Variants in SMCHD1 observed in about 807,000 individuals in gnomAD.
SMCHD1 encodes the protein structural maintenance of chromosomes flexible hinge domain-containing protein 1.
SMCHD1 carries 78 observed loss-of-function variants against 254.7 expected under a neutral mutation model. The observed-to-expected ratio is 0.31, with a 90% CI of 0.26 to 0.37. The LOEUF (loss-of-function observed/expected upper bound fraction) is 0.37. SMCHD1 is among the 10% of genes least tolerant of loss of function. The pLI is 1.00. For synonymous variants in SMCHD1, 766 were observed against 794.9 expected, an observed-to-expected ratio of 0.96 and a Z score of 0.61; for missense variants, 1,840 against 2,408.1, an observed-to-expected ratio of 0.76 and a Z score of 4.94.
rs145256793 is a variant in SMCHD1 at position 2,757,576 on chromosome 18, G to A, written c.4347-3076G>A. 2.5e-4 allele frequency among the ~76,000 whole-genome samples: 38 copies of A among 152,090 alleles called. No individual in the cohort carries two copies. In the East Asian group the frequency reaches 7.0e-3, roughly 28 times the overall value. ...TCCTTTGACCATGGCTTATTCAGAT[G>A]TTTACTGAATTGTGAAATTTAGTTT... On this transcript the variant is annotated intron_variant, in intron 34 of 47. Coordinates refer to ENST00000320876, the MANE Select transcript of SMCHD1 (RefSeq NM_015295.3).
In SMCHD1 at chr18:2,656,230, A is replaced by G; in HGVS notation, c.155A>G (p.Asp52Gly). Reference sequence around the variant, plus strand: ...CCTCTGCAGGTCGGGGAGCGCTCGGACTACGCGGGATTTCGCGCGTGTGTG... The same window carrying G: ...CCTCTGCAGGTCGGGGAGCGCTCGGGCTACGCGGGATTTCGCGCGTGTGTG... ...DRPLQVGERS[D>G]YAGFRACVCQ... is the part of the protein sequence containing the mutation. The change falls in exon 1 of 48, where the codon GAC becomes GGC. Residue 52 changes from aspartate (D) to glycine (G), a missense_variant. Asp to Gly is a moderately conservative substitution (Grantham distance 94, BLOSUM62 -1). Coordinates refer to ENST00000320876, the MANE Select transcript of SMCHD1 (RefSeq NM_015295.3). The G allele has an allele frequency of 6.7e-7, 1 of 1,503,450 alleles. No individual in the cohort carries two copies. Among genetic ancestry groups the G allele is most frequent in the Non-Finnish European group, 8.8e-7 (1 of 1,135,448 alleles). The allele number at this position is 1,503,450 out of a possible 1,614,324, so 93.1% of individuals were successfully genotyped here.
chr18:2,684,460 GT>G (rs1182745456), intron 5 of SMCHD1, among the ~76,000 whole-genome samples: 1 of 151,970 alleles, frequency 6.6e-6, no homozygotes, highest in Non-Finnish European at 1.5e-5. Context: ...AATGGTAAAT[GT>G]TTTTCCAACC....
At chr18:2,791,790 A>G (rs1038978794) in intron 45 of SMCHD1, among the ~76,000 whole-genome samples, 1 of 152,160 alleles carries the variant, frequency 6.6e-6, no homozygotes. Context: ...CAAGACAACT[A>G]TAGTTCACAG....
chr18:2,769,649 T>G (rs1480788403), intron 37 of SMCHD1, 45 bp from the exon 38 acceptor site: 1 of 1,546,136 alleles, frequency 6.5e-7, no homozygotes, highest in East Asian at 2.4e-5. Context: ...TTGTAAATTT[T>G]CTTTTTAAAT....
At position 2,772,316 on chromosome 18, in the gene SMCHD1, A is replaced by G; in HGVS notation, c.5119A>G (p.Arg1707Gly). Residue 1707 changes from arginine (R) to glycine (G), a missense_variant, in exon 41 of 48, where the codon AGA becomes GGA. By Grantham distance (125) the Arg-to-Gly change is moderately radical (BLOSUM62 -2). Transcript: ENST00000320876. ...ACAAGAAGAACTGAAGAAAAAACCT[A>G]GAAGATCGTGTACTCTTCCAAACTA... ...SEQEELKKKP[R>G]RSCTLPNYTK... is the part of the protein sequence containing the mutation. 1 of 1,608,990 alleles carries G rather than the reference A, an allele frequency of 6.2e-7. No homozygotes were observed. Among genetic ancestry groups the G allele is most frequent in the Non-Finnish European group, 8.5e-7 (1 of 1,178,020 alleles).
In SMCHD1 at chr18:2,775,762, A is replaced by G; in HGVS notation, c.5204A>G (p.Asp1735Gly). ...KIAHLAQIEDDRAAMVISWHL... is the reference protein window; with the variant it reads ...KIAHLAQIEDGRAAMVISWHL... ...GCACATCTAGCACAAATTGAAGATG[A>G]TAGAGCTGCGATGGTTATTTCTTGG... Residue 1735 changes from aspartate to glycine, a missense_variant, in exon 42 of 48, where the codon GAT becomes GGT. By Grantham distance (94) the Asp-to-Gly change is moderately conservative. Around this residue, in one of 9 missense-constraint regions of SMCHD1, gnomAD observed 114 missense variants for 217.6 expected, o/e 0.52. Coordinates refer to ENST00000320876, the MANE Select transcript of SMCHD1 (RefSeq NM_015295.3). 6.2e-7 allele frequency: 1 copy of G among 1,613,272 alleles called. No individual in the cohort carries two copies. Among genetic ancestry groups the G allele is most frequent in the African/African-American group, 1.3e-5 (1 of 74,992 alleles).
rs1412843640 is a variant in SMCHD1, at chr18:2,656,071, C to T, written c.-5C>T. ...GCGTCGCTGTCTTTTCTCCTTTTCC[C>T]CAATATGGCAGCGGCGGACGGCGGC... On this transcript the variant is annotated 5_prime_UTR_variant, in exon 1 of 48. Transcript: ENST00000320876. 2.2e-6 allele frequency: 3 copies of T among 1,393,112 alleles called. No homozygotes were observed. Among genetic ancestry groups the T allele is most frequent in the Middle Eastern group, 1.9e-4 (1 of 5,138 alleles). 86.3% of individuals were successfully genotyped at this position (1,393,112 alleles called of 1,614,324 possible). A position where few individuals can be genotyped will look rare whatever the true frequency, so the allele number is the denominator to read the frequency against.
chr18:2,663,834 C>T (rs1218768189), intron 1 of SMCHD1, among the ~76,000 whole-genome samples: 3 of 152,086 alleles, frequency 2.0e-5, no homozygotes, highest in Non-Finnish European at 2.9e-5. Context: ...CCTGCCTCAG[C>T]CTCCCGAGTA....
intron 45 of SMCHD1, among the ~76,000 whole-genome samples, chr18:2,791,839 A>T (rs932910526): frequency 6.6e-6 from 1 of 152,204 alleles, no homozygotes; most frequent in Non-Finnish European, 1.5e-5. Context: ...TTAGAGAGTG[A>T]GCGAGCTCTA....
chr18:2,746,530 G>A (rs997488769), intron 29 of SMCHD1, among the ~76,000 whole-genome samples: 1 of 152,214 alleles, frequency 6.6e-6, no homozygotes. Flanking sequence ...GGCTGTAGCT[G>A]TGTAAACTTT....
rs57180698 is a variant in SMCHD1 at position 2,785,670 on chromosome 18, A to AAAAAAAAAAAAAAG, written c.5719+1050_5719+1051insAAAAAAAAAAAAGA. ...CTCAAAAAAAAAAAAAAAAAAAAAA[A>AAAAAAAAAAAAAAG]ACAGTTCATTGGTGTTAAGTGCATT... On this transcript the variant is annotated intron_variant, in intron 45 of 47. Coordinates refer to ENST00000320876, the MANE Select transcript of SMCHD1 (RefSeq NM_015295.3). Among the ~76,000 whole-genome samples, 13 of 97,956 alleles carry AAAAAAAAAAAAAAG rather than the reference A, an allele frequency of 1.3e-4. 4 individuals are homozygous for AAAAAAAAAAAAAAG. The highest frequency in any genetic ancestry group is 1.5e-4 in the Non-Finnish European group (8 of 53,232). The allele number at this position is 97,956 out of a possible 152,430, so 64.3% of individuals were successfully genotyped here. A position where few individuals can be genotyped will look rare whatever the true frequency, so the allele number is the denominator to read the frequency against.
At chr18:2,786,080 C>G (rs2076235558) in intron 45 of SMCHD1, among the ~76,000 whole-genome samples, 1 of 151,988 alleles carries the variant, frequency 6.6e-6, no homozygotes. Context: ...GTGGCACAAT[C>G]TCAGCTCACT....
chr18:2,685,846 G>A lies in SMCHD1; in HGVS notation c.639-2548G>A, dbSNP rs753597431. Among the ~76,000 whole-genome samples the A allele has an allele frequency of 8.5e-5, 13 of 152,086 alleles. 1 individual carries two copies. The highest frequency in any genetic ancestry group is 4.1e-4 in the South Asian group (2 of 4,828). On this transcript the variant is annotated intron_variant, in intron 5 of 47. Transcript: ENST00000320876. ...ATTCTCCACTGTACAACCATACTGC[G>A]TTTTGTCTATCAGTTCATAGATTAA...
chr18:2,668,689 T>A (rs2143815194), intron 3 of SMCHD1, among the ~76,000 whole-genome samples: 1 of 152,334 alleles, frequency 6.6e-6, no homozygotes, highest in South Asian at 2.1e-4. Flanking sequence ...ATGCATTCGC[T>A]ATTAGCAGTC....
At chr18:2,719,876 T>C (rs563379210) in intron 19 of SMCHD1, among the ~76,000 whole-genome samples, 1 of 152,290 alleles carries the variant, frequency 6.6e-6, no homozygotes, top group Non-Finnish European at 1.5e-5. Flanking sequence ...GGTTTCTTCA[T>C]GTTGGTGAGG....
At chr18:2,727,926 C>T (rs1218319442) in intron 22 of SMCHD1, among the ~76,000 whole-genome samples, 2 of 152,012 alleles carry the variant, frequency 1.3e-5, no homozygotes, top group Non-Finnish European at 2.9e-5. Context: ...GACTGGCTTA[C>T]TGTAGAAGTA....
At chr18:2,764,331 A>G (rs2143702921) in intron 37 of SMCHD1, among the ~76,000 whole-genome samples, 1 of 152,250 alleles carries the variant, frequency 6.6e-6, no homozygotes, top group African/African-American at 2.4e-5. Context: ...ATTTATATAC[A>G]TGTTCGGAGG....
rs1568281038 is a variant in SMCHD1 at position 2,740,732 on chromosome 18, C to A, written c.3544C>A (p.Gln1182Lys). The A allele has an allele frequency of 6.2e-7, 1 of 1,609,682 alleles. No homozygotes were observed. ...AATAATTACAGATCAGTACGGAAAT[C>A]AGATTCAAGCATTTTCACCAAGTTC... ...VIIITDQYGN[Q>K]IQAFSPSSLS... The change falls in exon 28 of 48, where the codon CAG (glutamine) becomes AAG (lysine). Residue 1182 changes from glutamine (Q) to lysine (K), a missense_variant. Physicochemically the swap from Gln to Lys is moderately conservative, Grantham distance 53. This residue lies in a region of SMCHD1 where 881 missense variants were observed against 1,009.5 expected (regional missense o/e 0.87). Transcript: ENST00000320876.
intron 13 of SMCHD1, 29 bp from the exon 14 acceptor site, chr18:2,705,665 T>G: frequency 2.4e-6 from 1 of 412,544 alleles, no homozygotes; most frequent in Non-Finnish European, 3.7e-6. Context: ...ATACTGAAGC[T>G]TTTTTTTTTT....
Sources: allele counts gnomAD v4.1 joint callset (sites outside exome capture counted in the v4.1 genomes callset), GRCh38; gene constraint gnomAD v4.1.1; regional missense constraint gnomAD v4.1.1; transcripts MANE v1.5; gene names NCBI Gene and HGNC (gene_info 2026-07-23, HGNC 2026-07-21).